Variants in SSH2 observed in about 807,000 individuals in gnomAD.
The protein encoded by SSH2 is slingshot protein phosphatase 2, also known as protein phosphatase Slingshot homolog 2.
SSH2 carries 37 observed loss-of-function variants against 135.2 expected under a neutral mutation model. The observed-to-expected ratio is 0.27, with a 90% CI of 0.21 to 0.36. The LOEUF is 0.36. SSH2 is among the 10% of genes least tolerant of loss of function. The pLI, the probability that SSH2 is intolerant of heterozygous loss-of-function variation, is 1.00. For missense variants in SSH2, 1,408 were observed against 1,765.3 expected (o/e 0.80, Z 3.63); for synonymous variants, 628 against 646.2 (o/e 0.97, Z 0.43).
Position 29,632,038 on chromosome 17 carries a change from C to T in SSH2, c.3156G>A (p.Gly1052=). 1 of 1,614,228 alleles carries T rather than the reference C, an allele frequency of 6.2e-7. No individual in the cohort carries two copies. Among genetic ancestry groups the T allele is most frequent in the South Asian group, 1.1e-5 (1 of 91,086 alleles). Residue 1052 remains glycine (G), a synonymous_variant, in exon 16 of 16, where the codon GGG becomes GGA. Coordinates refer to ENST00000540801, the MANE Select transcript of SSH2 (RefSeq NM_001282129.2). ...CACTGGTGGCTATTTCACTCCCTGG[C>T]CCAGTGTGATTGGGTGATGTAACTA... The part of the protein sequence containing the change: ...THIVTSPNHT[G]PGSEIATSEK...
At chr17:29,798,996 A>T (rs1453336822) in intron 2 of SSH2, among the ~76,000 whole-genome samples, 1 of 152,148 alleles carries the variant, frequency 6.6e-6, no homozygotes, top group South Asian at 2.1e-4. Flanking sequence ...ATTCTTAAAC[A>T]ATGTATTACT....
intron 1 of SSH2, among the ~76,000 whole-genome samples, chr17:29,892,173 G>A (rs1478734913): frequency 2.0e-5 from 3 of 151,810 alleles, no homozygotes; most frequent in African/African-American, 7.3e-5. Context: ...CCAAGTAGCT[G>A]GGGACTACAG....
intron 2 of SSH2, among the ~76,000 whole-genome samples, chr17:29,829,488 G>A (rs544397501): frequency 6.6e-6 from 1 of 151,950 alleles, no homozygotes; most frequent in Admixed American, 6.5e-5. Flanking sequence ...GTGTGTGTCT[G>A]TACATATATA....
intron 2 of SSH2, among the ~76,000 whole-genome samples, chr17:29,809,477 C>T (rs1283162927): frequency 6.6e-6 from 1 of 152,058 alleles, no homozygotes; most frequent in African/African-American, 2.4e-5. Context: ...CATACCACTC[C>T]GTCTTGTCTC....
chr17:29,838,339 G>C (rs560974153), intron 2 of SSH2, among the ~76,000 whole-genome samples: 11 of 152,298 alleles, frequency 7.2e-5, no homozygotes, highest in African/African-American at 2.4e-4. Context: ...GCCTGCAGGT[G>C]CCCCTTGGCA....
chr17:29,929,836 A>G (rs2067151053), intron 1 of SSH2, 102 bp downstream of exon 1: 1 of 1,134,612 alleles, frequency 8.8e-7, no homozygotes, highest in East Asian at 2.6e-5. Context: ...AAGGCCTGGG[A>G]AGCGGCGCGG....
At chr17:29,784,628 T>C (rs1263851983) in intron 3 of SSH2, among the ~76,000 whole-genome samples, 1 of 151,778 alleles carries the variant, frequency 6.6e-6, no homozygotes, top group Non-Finnish European at 1.5e-5. Flanking sequence ...ATTAGGGAAG[T>C]TGTGAATCCT....
At chr17:29,925,104 G>A (rs2151490496) in intron 1 of SSH2, 1 of 153,906 alleles carries the variant, frequency 6.5e-6, no homozygotes, top group East Asian at 1.9e-4. Flanking sequence ...TCTTTAAACT[G>A]TGGTACCTGT....
intron 4 of SSH2, 79 bp downstream of exon 4, chr17:29,702,880 G>T: frequency 9.2e-7 from 1 of 1,086,848 alleles, no homozygotes; most frequent in South Asian, 1.3e-5. Context: ...TGAAGAGATG[G>T]GGATGAGGTA....
At chr17:29,672,682 A>C (rs2037542190) in intron 8 of SSH2, among the ~76,000 whole-genome samples, 1 of 151,978 alleles carries the variant, frequency 6.6e-6, no homozygotes, top group South Asian at 2.1e-4. Flanking sequence ...TAAATCCATG[A>C]GCTACTTTCT....
chr17:29,756,281 G>A (rs1285625050), intron 3 of SSH2, among the ~76,000 whole-genome samples: 1 of 147,016 alleles, frequency 6.8e-6, no homozygotes, highest in Non-Finnish European at 1.5e-5. Context: ...AAAAAAAAAA[G>A]AGAGGGAGAT....
chr17:29,796,857 G>A (rs367926615), intron 2 of SSH2, among the ~76,000 whole-genome samples: 3 of 144,866 alleles, frequency 2.1e-5, no homozygotes, highest in East Asian at 4.1e-4. Flanking sequence ...CACTTAGGCT[G>A]TAGTATGTGC....
chr17:29,898,086 C>A (rs2066477362), intron 1 of SSH2, among the ~76,000 whole-genome samples: 1 of 151,920 alleles, frequency 6.6e-6, no homozygotes, highest in African/African-American at 2.4e-5. Flanking sequence ...CCAACGAGAA[C>A]AAAGACACAA....
At position 29,741,613 on chromosome 17, in the gene SSH2, T is replaced by A. The variant is rs1437361819; in HGVS notation, c.189-38551A>T. ...ATAGACACGAAACAATCCCCCTCCT[T>A]TTTTTTTTTTTTTTTTTTTGAGACA... is the stretch of plus-strand genomic sequence containing the variant. On this transcript the variant is annotated intron_variant, in intron 3 of 15. Coordinates refer to ENST00000540801, the MANE Select transcript of SSH2 (RefSeq NM_001282129.2). 4.0e-4 allele frequency among the ~76,000 whole-genome samples: 11 copies of A among 27,848 alleles called. No individual in the cohort carries two copies. In the African/African-American group the frequency reaches 6.9e-3, roughly 18 times the overall value. The allele number at this position is 27,848 out of a possible 152,430, so 18.3% of individuals were successfully genotyped here.
chr17:29,781,243 A>G (rs2041833702), intron 3 of SSH2, among the ~76,000 whole-genome samples: 2 of 152,236 alleles, frequency 1.3e-5, no homozygotes, highest in South Asian at 4.1e-4. Flanking sequence ...AAAATAGTAT[A>G]TATATTGTCA....
In SSH2 at chr17:29,649,041, C is replaced by T. The variant is rs1380672631; in HGVS notation, c.1227-697G>A. On this transcript the variant is annotated intron_variant, in intron 13 of 15. Coordinates refer to ENST00000540801, the MANE Select transcript of SSH2 (RefSeq NM_001282129.2). ...CTGTAATCCCAGCTACTCAGGAGGCCGAGGCAGGAGAATTGCTTAAACCTG... is the reference window on the plus strand; with the variant it reads ...CTGTAATCCCAGCTACTCAGGAGGCTGAGGCAGGAGAATTGCTTAAACCTG... Among the ~76,000 whole-genome samples, 4 of 151,420 alleles carry T rather than the reference C, an allele frequency of 2.6e-5. No homozygotes were observed. In the South Asian group the frequency reaches 6.2e-4, roughly 24 times the overall value.
intron 4 of SSH2, among the ~76,000 whole-genome samples, chr17:29,699,061 A>G (rs915216695): frequency 6.6e-6 from 1 of 152,230 alleles, no homozygotes; most frequent in Admixed American, 6.5e-5. Flanking sequence ...AGCAAACTGC[A>G]TATCATTTCC....
intron 14 of SSH2, among the ~76,000 whole-genome samples, chr17:29,646,230 G>A (rs1020919714): frequency 1.3e-5 from 2 of 152,168 alleles, no homozygotes; most frequent in Admixed American, 6.5e-5. Flanking sequence ...GGATAATAAC[G>A]TAGTGCAATT....
At position 29,632,839 on chromosome 17, in the gene SSH2, G is replaced by A; in HGVS notation, c.2355C>T (p.Ser785=). The change falls in exon 16 of 16, where the codon TCC becomes TCT. Residue 785 remains serine, a synonymous_variant. Transcript: ENST00000540801. ...GAATCTGCCCAACTCCTTGACTGAT[G>A]GACTCAATTTCAGTGACAATTTCTT... ...SVKEIVTEIE[S]ISQGVGQIQL... is the part of the protein sequence containing the mutation. 1 of 1,614,098 alleles carries A rather than the reference G, an allele frequency of 6.2e-7. No homozygotes were observed. The highest frequency in any genetic ancestry group is 1.3e-5 in the African/African-American group (1 of 75,010).
Sources: allele counts gnomAD v4.1 joint callset (sites outside exome capture counted in the v4.1 genomes callset), GRCh38; gene constraint gnomAD v4.1.1; transcripts MANE v1.5; gene names NCBI Gene and HGNC (gene_info 2026-07-23, HGNC 2026-07-21).